Variants in SRPX2 observed in about 807,000 individuals in gnomAD.
SRPX2 encodes sushi repeat containing protein X-linked 2, also known as sushi repeat-containing protein SRPX2.
SRPX2 carries 26 observed loss-of-function variants against 45.3 expected under a neutral mutation model. The observed-to-expected ratio is 0.57, with a 90% CI of 0.42 to 0.80. The LOEUF (loss-of-function observed/expected upper bound fraction) is 0.80. Among genes scored for constraint, SRPX2 ranks in the 30% least tolerant of loss-of-function variants. SRPX2 has a pLI of 0.00. For synonymous variants in SRPX2, 125 were observed against 143.7 expected, an observed-to-expected ratio of 0.87 and a Z score of 0.93; for missense variants, 355 against 399.8, an observed-to-expected ratio of 0.89 and a Z score of 0.95.
In SRPX2 at chrX:100,671,103, G is replaced by A; in HGVS notation, c.*116G>A. 2.3e-6 allele frequency: 2 copies of A among 860,095 alleles called. No individual in the cohort carries two copies. The highest frequency in any genetic ancestry group is 3.3e-6 in the Non-Finnish European group (2 of 603,721). The allele number at this position is 860,095 out of a possible 1,213,427, so 70.9% of individuals were successfully genotyped here. On this transcript the variant is annotated 3_prime_UTR_variant, in exon 11 of 11. Coordinates refer to ENST00000373004, the MANE Select transcript of SRPX2 (RefSeq NM_014467.3). Reference sequence around the variant, plus strand: ...AGTTCTAGGGACAGGACTCTGAGGTGGGTGAGTTTGACAAATCCTGCGGTG... The same window carrying A: ...AGTTCTAGGGACAGGACTCTGAGGTAGGTGAGTTTGACAAATCCTGCGGTG...
chrX:100,659,333 G>A (rs1199026436), intron 3 of SRPX2, among the ~76,000 whole-genome samples: 1 of 111,778 alleles, frequency 8.9e-6, no homozygotes, highest in African/African-American at 3.3e-5. Context: ...TTCTGGGTCG[G>A]AAAATTTGAA....
At position 100,662,172 on chromosome X, in the gene SRPX2, A is replaced by G; in HGVS notation, c.164-4A>G. On this transcript the variant is annotated splice_polypyrimidine_tract_variant and splice_region_variant and intron_variant, in intron 3 of 10. Coordinates refer to ENST00000373004, the MANE Select transcript of SRPX2 (RefSeq NM_014467.3). ...TCTAGCTTGCCTTTCTTCTATTGCT[A>G]CAGTCCCCCGATGGTGTTATACATT... The G allele has an allele frequency of 8.3e-7, 1 of 1,210,288 alleles. No individual in the cohort carries two copies. Among genetic ancestry groups the G allele is most frequent in the South Asian group, 1.8e-5 (1 of 56,933 alleles).
At chrX:100,646,991 A>T (rs1181761053) in intron 2 of SRPX2, among the ~76,000 whole-genome samples, 1 of 111,733 alleles carries the variant, frequency 8.9e-6, no homozygotes, top group Non-Finnish European at 1.9e-5. Flanking sequence ...GTTTCTTCTC[A>T]TTTGTTCTTT....
rs141292909 is a variant in SRPX2, at chrX:100,669,351, A to T, written c.1199A>T (p.Asn400Ile). 9.8e-7 allele frequency: 1 copy of T among 1,020,096 alleles called. No individual in the cohort carries two copies. Among genetic ancestry groups the T allele is most frequent in the African/African-American group, 2.2e-5 (1 of 46,117 alleles). 84.1% of individuals were successfully genotyped at this position (1,020,096 alleles called of 1,213,427 possible). A position where few individuals can be genotyped will look rare whatever the true frequency, so the allele number is the denominator to read the frequency against. ...GRIREQQLSA[N>I]IIEELRQFQR... ...ATCCGGGAGCAACAGCTGTCAGCCA[A>T]CATCATCGAGGAGCTCAGGTCCAGG... The change falls in exon 10 of 11, where the codon AAC (asparagine) becomes ATC (isoleucine). Residue 400 changes from asparagine (N) to isoleucine (I), a missense_variant. By Grantham distance (149) the Asn-to-Ile change is moderately radical. Coordinates refer to ENST00000373004, the MANE Select transcript of SRPX2 (RefSeq NM_014467.3).
chrX:100,665,366 C>T lies in SRPX2; in HGVS notation c.656C>T (p.Thr219Ile), dbSNP rs924461236. The part of the protein sequence containing the change: ...LVKDSADGTI[T>I]RVTLRGPEPG... The stretch of plus-strand genomic sequence containing the variant: ...AAAGATTCTGCTGATGGTACCATCA[C>T]CAGGTGAGCCTGAATAATGGATGCC... Residue 219 changes from threonine to isoleucine, a missense_variant, in exon 6 of 11, where the codon ACC (threonine) becomes ATC (isoleucine). By Grantham distance (89) the Thr-to-Ile change is moderately conservative. Coordinates refer to ENST00000373004, the MANE Select transcript of SRPX2 (RefSeq NM_014467.3). The T allele has an allele frequency of 1.7e-5, 21 of 1,207,825 alleles. No individual in the cohort carries two copies. In the African/African-American group the frequency reaches 3.5e-4, roughly 20 times the overall value.
rs2083201546 is a variant in SRPX2, at chrX:100,665,452, G to A, written c.659+83G>A. ...GGCTGGTCACATTGAAACTGCACAG[G>A]CTAAGGTGACAGTGGGGATGTGCCT... On this transcript the variant is annotated intron_variant, in intron 6 of 10. Coordinates refer to ENST00000373004, the MANE Select transcript of SRPX2 (RefSeq NM_014467.3). The A allele has an allele frequency of 7.5e-6, 9 of 1,205,644 alleles. No homozygotes were observed. The Admixed American group carries it at 2.0e-4, about 26-fold the overall frequency.
rs192552346 is a variant in SRPX2, at chrX:100,672,556, C to G, written c.*1569C>G. 17 of 112,596 alleles carry G rather than the reference C, an allele frequency of 1.5e-4. No individual in the cohort carries two copies. The East Asian group carries it at 3.1e-3, about 20-fold the overall frequency. 9.3% of individuals were successfully genotyped at this position (112,596 alleles called of 1,213,427 possible). A position where few individuals can be genotyped will look rare whatever the true frequency, so the allele number is the denominator to read the frequency against. ...ATTAGGTAATTTGCCTAAGATCAGA[C>G]AGCTAGTAAGTGGCAGAGTCAGGAT... is the stretch of plus-strand genomic sequence containing the variant. On this transcript the variant is annotated 3_prime_UTR_variant, in exon 11 of 11. Transcript: ENST00000373004.
At position 100,667,342 on chromosome X, in the gene SRPX2, C is replaced by T; in HGVS notation, c.1030C>T (p.Leu344Phe). 8.3e-7 allele frequency: 1 copy of T among 1,211,382 alleles called. No homozygotes were observed. The highest frequency in any genetic ancestry group is 1.8e-5 in the South Asian group (1 of 56,969). The change falls in exon 9 of 11, where the codon CTC becomes TTC. Residue 344 changes from leucine to phenylalanine, a missense_variant. Transcript: ENST00000373004. ...LLDQFYEKQR[L>F]LIISAPDPSN... Reference sequence around the variant, plus strand: ...GGATCAATTCTATGAGAAACAGCGACTCCTCATCATCTCAGCTCCTGATCC... The same window carrying T: ...GGATCAATTCTATGAGAAACAGCGATTCCTCATCATCTCAGCTCCTGATCC...
chrX:100,651,095 A>T, intron 3 of SRPX2: 1 of 405,098 alleles, frequency 2.5e-6, no homozygotes, highest in Non-Finnish European at 4.3e-6. Context: ...TTGACTAGTT[A>T]CTCAATGCCT....
intron 9 of SRPX2, among the ~76,000 whole-genome samples, chrX:100,668,330 AAAAAAAAAAAAAG>A (rs2083211341): frequency 1.5e-5 from 1 of 66,918 alleles, no homozygotes; most frequent in Non-Finnish European, 2.7e-5. Flanking sequence ...AGTTTTACAA[AAAAAAAAAAAAAG>A]AAAAAAAAAA....
In SRPX2 at chrX:100,673,912, T is replaced by TA. The variant is rs1242955862; in HGVS notation, c.*2925_*2926insA. 1 of 112,001 alleles carries TA rather than the reference T, an allele frequency of 8.9e-6. No individual in the cohort carries two copies. Among genetic ancestry groups the TA allele is most frequent in the East Asian group, 2.8e-4 (1 of 3,579 alleles). The allele number at this position is 112,001 out of a possible 1,213,427, so 9.2% of individuals were successfully genotyped here. On this transcript the variant is annotated 3_prime_UTR_variant, in exon 11 of 11. Coordinates refer to ENST00000373004, the MANE Select transcript of SRPX2 (RefSeq NM_014467.3). The stretch of plus-strand genomic sequence containing the variant: ...ATTAAAGAAATAGTATATGAAGCCT[T>TA]GCACATAAAAAGCATTTGATATATA...
At position 100,675,755 on chromosome X, in the gene SRPX2, G is replaced by T; in HGVS notation, c.*4768G>T. 1 of 256,191 alleles carries T rather than the reference G, an allele frequency of 3.9e-6. No homozygotes were observed. Among genetic ancestry groups the T allele is most frequent in the Non-Finnish European group, 6.9e-6 (1 of 144,850 alleles). The allele number at this position is 256,191 out of a possible 1,213,427, so 21.1% of individuals were successfully genotyped here. Reference sequence around the variant, plus strand: ...ACCTTATAAAGACATAAGAAAAAATGGACTCTGAAAATAAACTAGATTATA... The same window carrying T: ...ACCTTATAAAGACATAAGAAAAAATTGACTCTGAAAATAAACTAGATTATA... On this transcript the variant is annotated 3_prime_UTR_variant, in exon 11 of 11. Transcript: ENST00000373004.
chrX:100,663,575 G>A (rs766521801), intron 4 of SRPX2, among the ~76,000 whole-genome samples: 25 of 112,262 alleles, frequency 2.2e-4, no homozygotes, highest in Admixed American at 1.7e-3. Flanking sequence ...AACAGAAAAT[G>A]CAATAATCTT....
intron 3 of SRPX2, among the ~76,000 whole-genome samples, chrX:100,661,686 C>T (rs2083187728): frequency 8.9e-6 from 1 of 112,110 alleles, no homozygotes; most frequent in Non-Finnish European, 1.9e-5. Flanking sequence ...AGGAGAATGG[C>T]GTGAACGTGG....
chrX:100,656,009 G>A (rs770933537), intron 3 of SRPX2, among the ~76,000 whole-genome samples: 7 of 108,476 alleles, frequency 6.5e-5, no homozygotes, highest in South Asian at 4.2e-4. Context: ...GATTACAGGC[G>A]CACACTACGG....
At chrX:100,653,910 A>G (rs1213379226) in intron 3 of SRPX2, among the ~76,000 whole-genome samples, 1 of 112,422 alleles carries the variant, frequency 8.9e-6, no homozygotes, top group Non-Finnish European at 1.9e-5. Flanking sequence ...TTTTAACTGT[A>G]TTTAACTGTT....
chrX:100,645,731 G>T (rs190330288), intron 1 of SRPX2, among the ~76,000 whole-genome samples: 279 of 112,333 alleles, frequency 2.5e-3, no homozygotes, highest in African/African-American at 8.6e-3. Context: ...TGAGGAAACC[G>T]AGGCTTAGAG....
chrX:100,669,812 G>A lies in SRPX2; in HGVS notation c.1217+443G>A, dbSNP rs758831765. The stretch of plus-strand genomic sequence containing the variant: ...TTTGAGACACAGTTTTGCTCTTGTC[G>A]CCCAGGCTGGAGTGCAATGGCACGA... On this transcript the variant is annotated intron_variant, in intron 10 of 10. Coordinates refer to ENST00000373004, the MANE Select transcript of SRPX2 (RefSeq NM_014467.3). Among the ~76,000 whole-genome samples, 249 of 73,554 alleles carry A rather than the reference G, an allele frequency of 3.4e-3. 3 individuals carry two copies. Among genetic ancestry groups the A allele is most frequent in the African/African-American group, 0.012 (228 of 18,968 alleles). The allele number at this position is 73,554 out of a possible 115,157, so 63.9% of individuals were successfully genotyped here. A position where few individuals can be genotyped will look rare whatever the true frequency, so the allele number is the denominator to read the frequency against.
rs1267159777 is a variant in SRPX2, at chrX:100,674,060, A to G, written c.*3073A>G. The G allele has an allele frequency of 9.0e-6, 1 of 111,723 alleles. No individual in the cohort carries two copies. The highest frequency in any genetic ancestry group is 1.9e-5 in the Non-Finnish European group (1 of 53,161). The allele number at this position is 111,723 out of a possible 1,213,427, so 9.2% of individuals were successfully genotyped here. ...TTCTCTCTCAAAACTACATAATGGT[A>G]GGAGGAGTAAAAGAAAAAGTCCCCG... On this transcript the variant is annotated 3_prime_UTR_variant, in exon 11 of 11. Transcript: ENST00000373004.
Sources: gnomAD v4.1 joint callset for allele counts (sites outside exome capture counted in the v4.1 genomes callset) on GRCh38, gnomAD v4.1.1 for gene constraint, MANE v1.5 for transcripts, NCBI Gene and HGNC (gene_info 2026-07-23, HGNC 2026-07-21) for gene names.